VEGFA: variants seen among roughly 807,000 people sequenced by gnomAD.
VEGFA encodes vascular endothelial growth factor A, long form.
In VEGFA, 20 loss-of-function variants were observed where a neutral mutation model predicts 49.7. That is an observed-to-expected ratio of 0.40 (90% confidence interval 0.28 to 0.58). VEGFA has a LOEUF of 0.58. Among genes scored for constraint, VEGFA ranks in the 20% least tolerant of loss-of-function variants. The pLI is 0.40. For missense variants in VEGFA, 505 were observed against 553.5 expected (o/e 0.91, Z 0.88); for synonymous variants, 219 against 223.4 (o/e 0.98, Z 0.18).
chr6:43,776,556 G>C (rs538127308), intron 2 of VEGFA: 1 of 152,298 alleles, frequency 6.6e-6, no homozygotes, highest in Non-Finnish European at 1.5e-5. Flanking sequence ...GAAATGTTTC[G>C]TGGCTACAGT....
In VEGFA at chr6:43,771,225, C is replaced by T. The variant is rs568518122; in HGVS notation, c.519C>T (p.Gly173=). The change falls in exon 1 of 8, where the codon GGC becomes GGT. Residue 173 remains glycine, a synonymous_variant. Coordinates refer to ENST00000672860, the MANE Select transcript of VEGFA (RefSeq NM_003376.6). ...GGAGAGGGAGCGCGAGCCGCGCCGGCCCCGGTCGGGCCTCCGAAACCATGA... is the reference window on the plus strand; with the variant it reads ...GGAGAGGGAGCGCGAGCCGCGCCGGTCCCGGTCGGGCCTCCGAAACCATGA... 1.2e-6 allele frequency: 2 copies of T among 1,605,202 alleles called. No individual in the cohort carries two copies. Among genetic ancestry groups the T allele is most frequent in the East Asian group, 2.3e-5 (1 of 44,008 alleles).
In VEGFA at chr6:43,770,391, T is replaced by C. The variant is rs1486991073; in HGVS notation, c.-316T>C. On this transcript the variant is annotated 5_prime_UTR_variant, in exon 1 of 8. Transcript: ENST00000672860. ...TATCCCTCTTCTTTTTTCTTAAACA[T>C]TTTTTTTTAAAACTGTATTGTTTCT... The C allele has an allele frequency of 1.2e-5, 4 of 340,822 alleles. No homozygotes were observed. Among genetic ancestry groups the C allele is most frequent in the Non-Finnish European group, 1.5e-5 (3 of 197,870 alleles). The allele number at this position is 340,822 out of a possible 1,614,324, so 21.1% of individuals were successfully genotyped here. A position where few individuals can be genotyped will look rare whatever the true frequency, so the allele number is the denominator to read the frequency against.
chr6:43,778,848 C>G (rs1316217417), intron 4 of VEGFA, 41 bp from the exon 5 acceptor site: 1 of 1,611,966 alleles, frequency 6.2e-7, no homozygotes, highest in South Asian at 1.1e-5. Flanking sequence ...CATCTTAACC[C>G]TTCCCTGTTT....
At position 43,778,910 on chromosome 6, in the gene VEGFA, A is replaced by T. The variant is rs373521056; in HGVS notation, c.954A>T (p.Arg318Ser). The change falls in exon 5 of 8, where the codon AGA (arginine) becomes AGT (serine). Residue 318 changes from arginine to serine, a missense_variant. Physicochemically the swap from Arg to Ser is moderately radical, Grantham distance 110. Coordinates refer to ENST00000672860, the MANE Select transcript of VEGFA (RefSeq NM_003376.6). Reference sequence around the variant, plus strand: ...GCAGACCAAAGAAAGATAGAGCAAGACAAGAAAAGTAAGTGGCCCTGACTT... The same window carrying T: ...GCAGACCAAAGAAAGATAGAGCAAGTCAAGAAAAGTAAGTGGCCCTGACTT... 7.4e-5 allele frequency: 119 copies of T among 1,614,082 alleles called. No homozygotes were observed. Among genetic ancestry groups the T allele is most frequent in the Middle Eastern group, 3.3e-4 (2 of 6,084 alleles).
chr6:43,776,230 G>C (rs1232212171), intron 2 of VEGFA: 1 of 152,214 alleles, frequency 6.6e-6, no homozygotes, highest in Non-Finnish European at 1.5e-5. Context: ...CTAGAGAGGG[G>C]AGGGACTGGC....
At chr6:43,781,118 T>C (rs565098296) in intron 6 of VEGFA, 136 of 577,548 alleles carry the variant, frequency 2.4e-4, no homozygotes, top group African/African-American at 2.2e-3. Context: ...GGGCCCATGT[T>C]GGCACAGGTG....
Position 43,771,139 on chromosome 6 carries a change from C to A in VEGFA, c.433C>A (p.Arg145=). 1 of 1,503,706 alleles carries A rather than the reference C, an allele frequency of 6.7e-7. No homozygotes were observed. Among genetic ancestry groups the A allele is most frequent in the South Asian group, 1.2e-5 (1 of 80,364 alleles). The allele number at this position is 1,503,706 out of a possible 1,614,324, so 93.1% of individuals were successfully genotyped here. Residue 145 remains arginine, a synonymous_variant, in exon 1 of 8, where the codon CGG becomes AGG. Transcript: ENST00000672860. ...CCAGGCCCTGGCCCGGGCCTCGGGC[C>A]GGGGAGGAAGAGTAGCTCGCCGAGG...
At chr6:43,771,454 T>A in intron 1 of VEGFA, 142 bp downstream of exon 1, 1 of 887,444 alleles carries the variant, frequency 1.1e-6, no homozygotes, top group Non-Finnish European at 1.6e-6. Context: ...CCCTCTGTCG[T>A]CTTAGGTGCA....
In VEGFA at chr6:43,782,082, T is replaced by C. The variant is rs1375794068; in HGVS notation, c.1161T>C (p.Thr387=). The change falls in exon 7 of 8, where the codon ACT becomes ACC. Residue 387 remains threonine (T), a synonymous_variant. Coordinates refer to ENST00000672860, the MANE Select transcript of VEGFA (RefSeq NM_003376.6). ...GGCAGCTTGAGTTAAACGAACGTACTTGCAGGTTGGTTCCCAGAGGGCAAG... is the reference window on the plus strand; with the variant it reads ...GGCAGCTTGAGTTAAACGAACGTACCTGCAGGTTGGTTCCCAGAGGGCAAG... 8 of 1,613,646 alleles carry C rather than the reference T, an allele frequency of 5.0e-6. No individual in the cohort carries two copies. The highest frequency in any genetic ancestry group is 5.1e-6 in the Non-Finnish European group (6 of 1,179,926).
Position 43,770,482 on chromosome 6 carries a change from C to G in VEGFA, c.-225C>G, listed in dbSNP as rs1763234808. The G allele has an allele frequency of 9.7e-7, 1 of 1,025,812 alleles. No individual in the cohort carries two copies. The highest frequency in any genetic ancestry group is 4.2e-5 in the Admixed American group (1 of 23,548). The allele number at this position is 1,025,812 out of a possible 1,614,324, so 63.5% of individuals were successfully genotyped here. ...GGGCCGACGGCTTGGGGAGATTGCT[C>G]TACTTCCCCAAATCACTGTGGATTT... is the stretch of plus-strand genomic sequence containing the variant. On this transcript the variant is annotated 5_prime_UTR_variant, in exon 1 of 8. Coordinates refer to ENST00000672860, the MANE Select transcript of VEGFA (RefSeq NM_003376.6).
In VEGFA at chr6:43,771,278, G is replaced by A; in HGVS notation, c.572G>A (p.Ser191Asn). 6.2e-7 allele frequency: 1 copy of A among 1,607,160 alleles called. No homozygotes were observed. Among genetic ancestry groups the A allele is most frequent in the South Asian group, 1.1e-5 (1 of 90,678 alleles). ...TTTCTGCTGTCTTGGGTGCATTGGAGCCTTGCCTTGCTGCTCTACCTCCAC... is the reference window on the plus strand; with the variant it reads ...TTTCTGCTGTCTTGGGTGCATTGGAACCTTGCCTTGCTGCTCTACCTCCAC... The change falls in exon 1 of 8, where the codon AGC becomes AAC. Residue 191 changes from serine (S) to asparagine (N), a missense_variant. Transcript: ENST00000672860.
chr6:43,778,175 T>C, intron 3 of VEGFA: 2 of 536,402 alleles, frequency 3.7e-6, no homozygotes, highest in Non-Finnish European at 6.7e-6. Flanking sequence ...GGGGAGGGGA[T>C]GGGGAGTGGT....
In VEGFA at chr6:43,786,319, T is replaced by C. The variant is rs1187844012; in HGVS notation, c.*1757T>C. 5.6e-6 allele frequency: 1 copy of C among 179,512 alleles called. No homozygotes were observed. The highest frequency in any genetic ancestry group is 1.2e-5 in the Non-Finnish European group (1 of 83,548). 11.1% of individuals were successfully genotyped at this position (179,512 alleles called of 1,614,324 possible). Reference sequence around the variant, plus strand: ...ATTTATTTATTGGTGCTACTGTTTATCCGTAATAATTGTGGGGAAAAGATA... The same window carrying C: ...ATTTATTTATTGGTGCTACTGTTTACCCGTAATAATTGTGGGGAAAAGATA... On this transcript the variant is annotated 3_prime_UTR_variant, in exon 8 of 8. Coordinates refer to ENST00000672860, the MANE Select transcript of VEGFA (RefSeq NM_003376.6).
At chr6:43,772,941 T>C (rs1413711) in intron 1 of VEGFA, among the ~76,000 whole-genome samples, 88,714 of 152,016 alleles carry the variant, frequency 0.58, 26,600 homozygotes, top group African/African-American at 0.74. Context: ...CCTCCTGTGC[T>C]CCCTGGCCTT....
chr6:43,781,555 C>G, intron 6 of VEGFA: 1 of 341,240 alleles, frequency 2.9e-6, no homozygotes, highest in South Asian at 2.4e-5. Flanking sequence ...AGGGCCTGGA[C>G]ATGAGCCTTG....
chr6:43,778,804 T>G, intron 4 of VEGFA, 85 bp from the exon 5 acceptor site: 1 of 1,456,228 alleles, frequency 6.9e-7, no homozygotes, highest in Non-Finnish European at 9.6e-7. Context: ...TTTACTGTGA[T>G]TATTATTGTT....
chr6:43,777,235 T>A lies in VEGFA; in HGVS notation c.659-234T>A. On this transcript the variant is annotated intron_variant, in intron 2 of 7. Transcript: ENST00000672860. This position sits in a 1 kb window ranked among gnomAD's most constrained non-coding sequence, Gnocchi z 4.3. ...ATCAGATGTGGCAGGCCATGTCCCTTGGAACTTGAGTACATCGTGTGATCT... is the reference window on the plus strand; with the variant it reads ...ATCAGATGTGGCAGGCCATGTCCCTAGGAACTTGAGTACATCGTGTGATCT... 1 of 601,266 alleles carries A rather than the reference T, an allele frequency of 1.7e-6. No homozygotes were observed. The highest frequency in any genetic ancestry group is 3.0e-6 in the Non-Finnish European group (1 of 327,978). The allele number at this position is 601,266 out of a possible 1,614,324, so 37.2% of individuals were successfully genotyped here.
intron 1 of VEGFA, chr6:43,772,159 C>A: frequency 1.3e-6 from 1 of 789,686 alleles, no homozygotes; most frequent in Non-Finnish European, 1.5e-6. Context: ...TGTCTCCAGA[C>A]CCTACCTCTG....
chr6:43,784,217 GTTC>G (rs1397640143), intron 7 of VEGFA: 4 of 483,976 alleles, frequency 8.3e-6, no homozygotes, highest in Non-Finnish European at 1.5e-5. Context: ...AGTGGGGACT[GTTC>G]TTTGGTATCC....
Sources: gnomAD v4.1 joint callset for allele counts (sites outside exome capture counted in the v4.1 genomes callset) on GRCh38, gnomAD v4.1.1 for gene constraint, Gnocchi (gnomAD v3.1) non-coding constraint, MANE v1.5 for transcripts, NCBI Gene and HGNC (gene_info 2026-07-23, HGNC 2026-07-21) for gene names.